The following PAK3 variants were observed in gnomAD, a reference collection of about 807,000 sequenced individuals.
PAK3 encodes the protein serine/threonine-protein kinase PAK 3.
A neutral mutation model predicts 41.0 loss-of-function variants in PAK3; 4 were observed. That is an observed-to-expected ratio of 0.10 (90% CI 0.05 to 0.22). The LOEUF (loss-of-function observed/expected upper bound fraction) is 0.22. Ranked by LOEUF, PAK3 falls within the 10% of genes least tolerant of loss-of-function variation. The probability of loss-of-function intolerance (pLI) is 1.00; values close to 1 mark genes in which losing one functional copy is unlikely to be tolerated. For synonymous variants in PAK3, 146 were observed against 139.6 expected (o/e 1.05, Z -0.32); for missense variants, 205 against 409.9 (o/e 0.50, Z 4.32).
rs1411717302 is a variant in PAK3 at position 111,226,989 on chromosome X, C to T, written c.*6542C>T. 1 of 112,186 alleles carries T rather than the reference C, an allele frequency of 8.9e-6. No homozygotes were observed. Among genetic ancestry groups the T allele is most frequent in the Admixed American group, 9.4e-5 (1 of 10,599 alleles). The allele number at this position is 112,186 out of a possible 1,213,427, so 9.2% of individuals were successfully genotyped here. Reference sequence around the variant, plus strand: ...CACAAAACAAGTTGAGAAGGATCCACGTTTTCATTGTTTATCAGAATTGTA... The same window carrying T: ...CACAAAACAAGTTGAGAAGGATCCATGTTTTCATTGTTTATCAGAATTGTA... On this transcript the variant is annotated 3_prime_UTR_variant, in exon 18 of 18. Transcript: ENST00000372007.
At position 111,222,761 on chromosome X, in the gene PAK3, T is replaced by C. The variant is rs950561397; in HGVS notation, c.*2314T>C. On this transcript the variant is annotated 3_prime_UTR_variant, in exon 18 of 18. Transcript: ENST00000372007. Reference sequence around the variant, plus strand: ...CATCCCTTACATGTTGAGAAGGCCTTTTTTTTGTTGTTATTTTGGAGACCT... The same window carrying C: ...CATCCCTTACATGTTGAGAAGGCCTCTTTTTTGTTGTTATTTTGGAGACCT... 4.5e-5 allele frequency: 5 copies of C among 110,584 alleles called. No homozygotes were observed. The highest frequency in any genetic ancestry group is 1.6e-4 in the African/African-American group (5 of 30,412). 9.1% of individuals were successfully genotyped at this position (110,584 alleles called of 1,213,427 possible).
chrX:111,167,795 G>A (rs920139899), intron 10 of PAK3, among the ~76,000 whole-genome samples: 3 of 110,581 alleles, frequency 2.7e-5, no homozygotes, highest in African/African-American at 9.9e-5. Context: ...GATAGGTGCA[G>A]CAAACCACCA....
At chrX:111,066,843 C>A (rs541704131) in intron 1 of PAK3, among the ~76,000 whole-genome samples, 23 of 112,391 alleles carry the variant, frequency 2.0e-4, no homozygotes, top group Middle Eastern at 4.7e-3. Context: ...CTTGTCTATA[C>A]AACATATGAG....
At chrX:111,084,050 G>A (rs2092858615) in intron 1 of PAK3, among the ~76,000 whole-genome samples, 2 of 112,661 alleles carry the variant, frequency 1.8e-5, no homozygotes, top group Admixed American at 1.9e-4. Flanking sequence ...CTTTTTGATT[G>A]CAGATGTACT....
intron 8 of PAK3, among the ~76,000 whole-genome samples, chrX:111,158,215 A>G (rs2094131412): frequency 8.9e-6 from 1 of 112,023 alleles, no homozygotes; most frequent in African/African-American, 3.3e-5. Context: ...ATAGCTTTGT[A>G]TTGGTGAATA....
intron 1 of PAK3, among the ~76,000 whole-genome samples, chrX:111,068,872 T>C (rs2092720951): frequency 8.9e-6 from 1 of 112,379 alleles, no homozygotes; most frequent in African/African-American, 3.2e-5. Context: ...TAGATATATA[T>C]TGCGTTGAGC....
At chrX:111,202,759 A>T (rs2094698094) in intron 16 of PAK3, among the ~76,000 whole-genome samples, 1 of 111,684 alleles carries the variant, frequency 9.0e-6, no homozygotes, top group African/African-American at 3.2e-5. Flanking sequence ...GTTTTGATGG[A>T]ATTTGTTATT....
At chrX:111,132,903 C>CAG (rs1385622632) in intron 5 of PAK3, among the ~76,000 whole-genome samples, 1 of 111,139 alleles carries the variant, frequency 9.0e-6, no homozygotes, top group Non-Finnish European at 1.9e-5. Flanking sequence ...CACACACACA[C>CAG]GCCGAGTTTG....
intron 1 of PAK3, among the ~76,000 whole-genome samples, chrX:111,058,605 T>G (rs1267773606): frequency 9.0e-6 from 1 of 111,644 alleles, no homozygotes; most frequent in Non-Finnish European, 1.9e-5. Flanking sequence ...TTACAAATAT[T>G]TTCTTCCATT....
At chrX:110,970,643 G>T (rs2148631045) in intron 1 of PAK3, among the ~76,000 whole-genome samples, 1 of 111,519 alleles carries the variant, frequency 9.0e-6, no homozygotes, top group East Asian at 2.8e-4. Context: ...AATACCTAAT[G>T]CATGTGGGGC....
chrX:111,145,564 ATCATGCATGGGC>A (rs1339984653), intron 6 of PAK3, among the ~76,000 whole-genome samples: 3 of 111,753 alleles, frequency 2.7e-5, no homozygotes, highest in African/African-American at 9.7e-5. Context: ...CATAACTGGG[ATCATGCATGGGC>A]TCCTGAGTTC....
intron 16 of PAK3, among the ~76,000 whole-genome samples, chrX:111,197,261 C>A (rs193182949): frequency 9.8e-5 from 11 of 112,167 alleles, no homozygotes; most frequent in Admixed American, 9.4e-4. Context: ...TGATTTCATT[C>A]TTTTTTATGT....
At chrX:111,200,548 C>T (rs16986424) in intron 16 of PAK3, among the ~76,000 whole-genome samples, 9,028 of 111,925 alleles carry the variant, frequency 0.081, 831 homozygotes, top group African/African-American at 0.26. Flanking sequence ...TGTGGGTTAG[C>T]CCTCCATGGA....
chrX:111,141,097 G>A (rs977797009), intron 5 of PAK3, among the ~76,000 whole-genome samples: 1 of 111,086 alleles, frequency 9.0e-6, no homozygotes, highest in African/African-American at 3.3e-5. Flanking sequence ...TTTTCAGTGT[G>A]AAATGCAGCC....
intron 1 of PAK3, among the ~76,000 whole-genome samples, chrX:110,982,091 G>A (rs2091457430): frequency 9.0e-6 from 1 of 111,424 alleles, no homozygotes; most frequent in South Asian, 3.8e-4. Context: ...TGAGTAAAAG[G>A]GAACCATCTA....
chrX:111,072,255 G>T (rs773149683), intron 1 of PAK3, among the ~76,000 whole-genome samples: 2 of 112,562 alleles, frequency 1.8e-5, no homozygotes, highest in South Asian at 7.4e-4. Context: ...AAAATCCTTG[G>T]TGCCAAATAA....
chrX:111,173,201 A>T, intron 11 of PAK3, 120 bp downstream of exon 11: 2 of 485,013 alleles, frequency 4.1e-6, no homozygotes, highest in South Asian at 3.0e-5. Context: ...GATTATATTT[A>T]TGTCTTGCAT....
chrX:111,100,961 C>T (rs892919840), intron 3 of PAK3, among the ~76,000 whole-genome samples: 2 of 112,255 alleles, frequency 1.8e-5, no homozygotes, highest in East Asian at 5.6e-4. Context: ...CAACACTATA[C>T]AGACACACAA....
rs186351533 is a variant in PAK3, at chrX:111,152,828, T to C, written c.468+381T>C. The C allele has an allele frequency of 2.3e-3, 298 of 126,979 alleles. 1 individual carries two copies. Among genetic ancestry groups the C allele is most frequent in the Non-Finnish European group, 2.2e-3 (135 of 62,084 alleles). 10.5% of individuals were successfully genotyped at this position (126,979 alleles called of 1,213,427 possible). ...TAATACAGCGTGTGACTTTTGAGGA[T>C]TGGCTTTTTTAACTCAGTTTATTTA... On this transcript the variant is annotated intron_variant, in intron 8 of 17. Coordinates refer to ENST00000372007, the MANE Select transcript of PAK3 (RefSeq NM_002578.5).
Sources: allele counts gnomAD v4.1 joint callset (sites outside exome capture counted in the v4.1 genomes callset), GRCh38; gene constraint gnomAD v4.1.1; transcripts MANE v1.5; gene names NCBI Gene and HGNC (gene_info 2026-07-23, HGNC 2026-07-21).